The following HOOK2 variants were observed in gnomAD, a reference collection of about 807,000 sequenced individuals.
The protein encoded by HOOK2 is hook microtubule tethering protein 2, also known as protein Hook homolog 2.
HOOK2 carries 108 observed loss-of-function variants against 111.9 expected under a neutral mutation model. The ratio of observed to expected loss-of-function variants is 0.96; its 90% CI spans 0.83 to 1.13. HOOK2 has a LOEUF of 1.13. HOOK2 is among the 50% of genes most tolerant of loss of function. The pLI is 0.00. For synonymous variants in HOOK2, 405 were observed against 394.3 expected (o/e 1.03, Z -0.32); for missense variants, 978 against 951.3 (o/e 1.03, Z -0.37).
chr19:12,776,954 G>A (rs979621235), upstream of HOOK2, among the ~76,000 whole-genome samples: 2 of 150,716 alleles, frequency 1.3e-5, no homozygotes, highest in African/African-American at 4.9e-5. Context: ...TCAGGAGATC[G>A]AGACCATCCT....
chr19:12,775,255 C>T, intron 1 of HOOK2, 150 bp downstream of exon 1: 1 of 1,450,004 alleles, frequency 6.9e-7, no homozygotes, highest in Non-Finnish European at 9.1e-7. Flanking sequence ...GTGACGGGGG[C>T]GGGTGCTCGG....
At position 12,791,748 on chromosome 19, in the gene HOOK2, C is replaced by A; in HGVS notation, n.42-17523G>T. The A allele has an allele frequency of 6.4e-7, 1 of 1,571,146 alleles. No individual in the cohort carries two copies. Among genetic ancestry groups the A allele is most frequent in the Non-Finnish European group, 8.7e-7 (1 of 1,153,426 alleles). On this transcript the variant is annotated intron_variant and non_coding_transcript_variant, in intron 3 of 3. Transcript: ENST00000589765. This position sits in a 1 kb window ranked among gnomAD's most constrained non-coding sequence, Gnocchi z 7.0. ...CCCGGAGCGGCCCCGCAGGGACCCT[C>A]CCCAGACCGCCTGGGCCGCCCGGAT...
upstream of HOOK2, among the ~76,000 whole-genome samples, chr19:12,781,593 TG>T (rs1253119127): frequency 6.6e-6 from 1 of 152,136 alleles, no homozygotes; most frequent in Non-Finnish European, 1.5e-5. Flanking sequence ...CCCAAAGTGC[TG>T]GGATTACAGG....
intron 14 of HOOK2, 98 bp from the exon 15 acceptor site, chr19:12,766,338 G>C (rs1430098379): frequency 2.9e-6 from 4 of 1,384,610 alleles, no homozygotes; most frequent in Non-Finnish European, 3.8e-6. Flanking sequence ...ACAGAGCCCT[G>C]GGGAAGAGCC....
upstream of HOOK2, among the ~76,000 whole-genome samples, chr19:12,779,322 C>T (rs1201849699): frequency 6.6e-6 from 1 of 152,142 alleles, no homozygotes; most frequent in Non-Finnish European, 1.5e-5. Flanking sequence ...GAAGGGGACC[C>T]TCAGTCCCAC....
Position 12,766,167 on chromosome 19 carries a change from C to T in HOOK2, c.1447G>A (p.Glu483Lys), listed in dbSNP as rs1410965056. Residue 483 changes from glutamate to lysine, a missense_variant, in exon 15 of 23, where the codon GAG (glutamate) becomes AAG (lysine). Glu to Lys is a moderately conservative substitution (Grantham distance 56, BLOSUM62 1). Transcript: ENST00000397668. Reference protein sequence around the residue: ...RQEAADRERQEELQRHLEDAN... With the variant: ...RQEAADRERQKELQRHLEDAN... ...TCCTCCAGGTGGCGCTGCAGCTCCT[C>T]CTGCCGCTCCCGGTCGGCCGCCTCC... The T allele has an allele frequency of 3.1e-6, 5 of 1,598,746 alleles. No individual in the cohort carries two copies. Among genetic ancestry groups the T allele is most frequent in the South Asian group, 1.1e-5 (1 of 90,832 alleles).
rs144845831 is a variant in HOOK2, at chr19:12,771,013, G to C, written c.821C>G (p.Ala274Gly). 6.2e-7 allele frequency: 1 copy of C among 1,612,640 alleles called. No homozygotes were observed. The highest frequency in any genetic ancestry group is 1.3e-5 in the African/African-American group (1 of 74,872). The part of the protein sequence containing the change: ...LRCAELEREV[A>G]ELQHRNQALT... ...CGCCTGGTTCCGGTGCTGCAGCTCC[G>C]CAACCTCCCTCTCCAGCTCGGCACA... The change falls in exon 10 of 23, where the codon GCG (alanine) becomes GGG (glycine). Residue 274 changes from alanine (A) to glycine (G), a missense_variant. Transcript: ENST00000397668.
chr19:12,767,301 CG>C (rs1568362838), intron 14 of HOOK2, 93 bp downstream of exon 14: 7 of 1,066,636 alleles, frequency 6.6e-6, no homozygotes. Context: ...ACCAAGCAAC[CG>C]GGGCTAGCAG....
Position 12,791,442 on chromosome 19 carries a change from C to T in HOOK2, n.42-17217G>A. 4.6e-6 allele frequency: 1 copy of T among 215,368 alleles called. No individual in the cohort carries two copies. The highest frequency in any genetic ancestry group is 9.2e-6 in the Non-Finnish European group (1 of 109,030). The allele number at this position is 215,368 out of a possible 1,614,324, so 13.3% of individuals were successfully genotyped here. ...GGCCAATCGGAGCGCACTTCCGTGGCTGACTAGCGCGGTATAAAGGCGTGT... is the reference window on the plus strand; with the variant it reads ...GGCCAATCGGAGCGCACTTCCGTGGTTGACTAGCGCGGTATAAAGGCGTGT... On this transcript the variant is annotated intron_variant and non_coding_transcript_variant, in intron 3 of 3. Coordinates refer to the HOOK2 transcript ENST00000589765. The surrounding 1 kb of genome is among the most constrained non-coding windows in gnomAD (Gnocchi z 7.0).
At chr19:12,773,222 T>A in intron 3 of HOOK2, 178 bp from the exon 4 acceptor site, 7 of 468,718 alleles carry the variant, frequency 1.5e-5, no homozygotes, top group Non-Finnish European at 2.3e-5. Context: ...TGCCTGACCA[T>A]CTTTGTTTCT....
intron 1 of HOOK2, 65 bp downstream of exon 1, chr19:12,775,340 G>T: frequency 6.3e-7 from 1 of 1,582,106 alleles, no homozygotes. Context: ...GACCGAACCA[G>T]GGCCAGGGAT....
chr19:12,766,388 G>A (rs887467813), intron 14 of HOOK2, 148 bp from the exon 15 acceptor site: 11 of 992,294 alleles, frequency 1.1e-5, no homozygotes, highest in African/African-American at 1.7e-5. Flanking sequence ...GACCTACTAC[G>A]GGTTCAGGTT....
upstream of HOOK2, chr19:12,778,282 AC>A (rs1445385880): frequency 6.6e-6 from 1 of 152,214 alleles, no homozygotes; most frequent in African/African-American, 2.4e-5. Flanking sequence ...CGCGCATCGC[AC>A]GAACGCAGTC....
At chr19:12,792,038 C>A (rs752019632) in intron 3 of HOOK2, 16 of 1,611,026 alleles carry the variant, frequency 9.9e-6, no homozygotes, top group Non-Finnish European at 1.4e-5. Flanking sequence ...AGCTGGAACG[C>A]CTGATTGTCC....
rs973291936 is a variant in HOOK2, at chr19:12,791,711, G to T, written n.42-17486C>A. ...CACCGCAGCGGAGAGCTCGCCGCTCGCTGCAGCGAGGCCCGGAGCGGCCCC... is the reference window on the plus strand; with the variant it reads ...CACCGCAGCGGAGAGCTCGCCGCTCTCTGCAGCGAGGCCCGGAGCGGCCCC... On this transcript the variant is annotated intron_variant and non_coding_transcript_variant, in intron 3 of 3. Coordinates refer to the HOOK2 transcript ENST00000589765. The surrounding 1 kb of genome is among the most constrained non-coding windows in gnomAD (Gnocchi z 7.0). The T allele has an allele frequency of 4.7e-6, 6 of 1,281,652 alleles. No individual in the cohort carries two copies. The highest frequency in any genetic ancestry group is 1.5e-5 in the South Asian group (1 of 66,634). 79.4% of individuals were successfully genotyped at this position (1,281,652 alleles called of 1,614,324 possible).
chr19:12,768,237 T>A, intron 11 of HOOK2, 114 bp from the exon 12 acceptor site: 1 of 818,054 alleles, frequency 1.2e-6, no homozygotes, highest in Non-Finnish European at 1.9e-6. Flanking sequence ...TTGACTTTAC[T>A]ATGGTGCTTT....
At chr19:12,783,782 G>T (rs1236129501) in intron 3 of HOOK2, among the ~76,000 whole-genome samples, 1 of 152,170 alleles carries the variant, frequency 6.6e-6, no homozygotes, top group Non-Finnish European at 1.5e-5. Flanking sequence ...GCCAGAAGAG[G>T]GCTCCTCCTG....
chr19:12,766,958 G>A (rs1379460796), intron 14 of HOOK2, among the ~76,000 whole-genome samples: 2 of 152,092 alleles, frequency 1.3e-5, no homozygotes, highest in African/African-American at 2.4e-5. Flanking sequence ...CAAACTCCTG[G>A]GCTCAAGTGA....
chr19:12,763,809 C>G (rs757202659), intron 20 of HOOK2, 31 bp from the exon 21 acceptor site: 39 of 1,582,334 alleles, frequency 2.5e-5, no homozygotes, highest in Admixed American at 6.8e-5. Flanking sequence ...AGCCAGGTGA[C>G]TTTGGCCTTG....
Sources: gnomAD v4.1 joint callset for allele counts (sites outside exome capture counted in the v4.1 genomes callset) on GRCh38, gnomAD v4.1.1 for gene constraint, Gnocchi (gnomAD v3.1) non-coding constraint, MANE v1.5 for transcripts, NCBI Gene and HGNC (gene_info 2026-07-23, HGNC 2026-07-21) for gene names.